PRKG1: variants seen among roughly 807,000 people sequenced by gnomAD.
PRKG1 encodes the protein cGMP-dependent protein kinase 1.
A neutral mutation model predicts 88.1 loss-of-function variants in PRKG1; 35 were observed. The observed-to-expected ratio is 0.40, with a 90% CI of 0.30 to 0.53. The LOEUF (loss-of-function observed/expected upper bound fraction) is 0.53. PRKG1 is among the 20% of genes least tolerant of loss of function. The pLI is 0.59. For synonymous variants in PRKG1, 303 were observed against 292.5 expected, an observed-to-expected ratio of 1.04 and a Z score of -0.37; for missense variants, 540 against 839.8, an observed-to-expected ratio of 0.64 and a Z score of 4.41.
intron 3 of PRKG1, among the ~76,000 whole-genome samples, chr10:51,506,754 G>A (rs568160023): frequency 6.6e-6 from 1 of 152,148 alleles, no homozygotes; most frequent in Non-Finnish European, 1.5e-5. Context: ...CGATTCCTCA[G>A]GATCTAGAAC....
At chr10:51,911,364 C>A (rs1385726443) in intron 5 of PRKG1, among the ~76,000 whole-genome samples, 4 of 149,012 alleles carry the variant, frequency 2.7e-5, no homozygotes, top group Admixed American at 6.7e-5. Context: ...TCATGAAATT[C>A]TTTAATCATT....
chr10:51,848,152 T>C (rs935648676), intron 4 of PRKG1, among the ~76,000 whole-genome samples: 2 of 152,150 alleles, frequency 1.3e-5, no homozygotes, highest in Middle Eastern at 3.2e-3. Flanking sequence ...ACATGCCTCC[T>C]GCTAGATTTC....
At chr10:51,687,648 A>C (rs1318790157) in intron 3 of PRKG1, among the ~76,000 whole-genome samples, 3 of 152,198 alleles carry the variant, frequency 2.0e-5, no homozygotes, top group African/African-American at 7.2e-5. Context: ...AGAACAATTT[A>C]GGTTTTATGA....
intron 3 of PRKG1, among the ~76,000 whole-genome samples, chr10:51,767,506 T>C (rs1838194801): frequency 6.6e-6 from 1 of 152,232 alleles, no homozygotes; most frequent in Admixed American, 6.5e-5. Context: ...TTCTCTACCT[T>C]ATGTACATAT....
intron 9 of PRKG1, among the ~76,000 whole-genome samples, chr10:52,229,380 A>G (rs888816804): frequency 3.9e-5 from 6 of 152,196 alleles, no homozygotes; most frequent in African/African-American, 1.4e-4. Flanking sequence ...GAAGAAACCA[A>G]TGATATCCTC....
At chr10:51,640,766 T>C (rs1839779001) in intron 3 of PRKG1, among the ~76,000 whole-genome samples, 1 of 152,314 alleles carries the variant, frequency 6.6e-6, no homozygotes, top group East Asian at 1.9e-4. Flanking sequence ...ATTCTCTATG[T>C]AGCTTTTAAA....
At chr10:51,488,927 C>G (rs1036664441) in intron 3 of PRKG1, among the ~76,000 whole-genome samples, 2 of 152,096 alleles carry the variant, frequency 1.3e-5, no homozygotes, top group Non-Finnish European at 2.9e-5. Flanking sequence ...AGACAACAAG[C>G]ACACAGGCCC....
intron 5 of PRKG1, among the ~76,000 whole-genome samples, chr10:52,022,480 A>C (rs1845211108): frequency 6.6e-6 from 1 of 152,208 alleles, no homozygotes; most frequent in Non-Finnish European, 1.5e-5. Context: ...ACATTCAACA[A>C]TTGTTATATG....
At chr10:52,162,155 A>G (rs141333375) in intron 9 of PRKG1, among the ~76,000 whole-genome samples, 192 bp downstream of exon 9, 18 of 152,262 alleles carry the variant, frequency 1.2e-4, no homozygotes, top group African/African-American at 4.3e-4. Context: ...CTCTTCAAAC[A>G]CAAAACTTCA....
At chr10:51,699,604 G>A in intron 3 of PRKG1, 1 of 1,541,794 alleles carries the variant, frequency 6.5e-7, no homozygotes, top group Non-Finnish European at 8.7e-7. Context: ...CTGTCCTCTT[G>A]CGACCGACAC....
chr10:51,128,560 G>T (rs982769478), intron 1 of PRKG1, among the ~76,000 whole-genome samples: 1 of 152,146 alleles, frequency 6.6e-6, no homozygotes, highest in African/African-American at 2.4e-5. Context: ...TGGCAGCAAC[G>T]TGACCTCTAG....
At chr10:51,796,583 G>T (rs887842605) in intron 3 of PRKG1, among the ~76,000 whole-genome samples, 1 of 152,030 alleles carries the variant, frequency 6.6e-6, no homozygotes, top group Non-Finnish European at 1.5e-5. Context: ...GCACAGAAGG[G>T]TCTGGAAAGG....
At chr10:51,113,278 C>T (rs112302257) in intron 1 of PRKG1, among the ~76,000 whole-genome samples, 107 of 152,312 alleles carry the variant, frequency 7.0e-4, no homozygotes, top group African/African-American at 2.3e-3. Context: ...GAAACAGGAG[C>T]TAGTTTTCAT....
chr10:51,439,251 C>T (rs1412960872), intron 2 of PRKG1, among the ~76,000 whole-genome samples: 2 of 151,712 alleles, frequency 1.3e-5, no homozygotes, highest in Non-Finnish European at 2.9e-5. Flanking sequence ...ATAGTAGGTA[C>T]AATTAGACTA....
At chr10:51,123,610 C>A (rs567967741) in intron 1 of PRKG1, among the ~76,000 whole-genome samples, 1 of 150,970 alleles carries the variant, frequency 6.6e-6, no homozygotes. Context: ...CACTTCCACC[C>A]GGGAGGTGGA....
At chr10:51,728,207 C>T (rs993490359) in intron 3 of PRKG1, among the ~76,000 whole-genome samples, 1 of 151,658 alleles carries the variant, frequency 6.6e-6, no homozygotes, top group Admixed American at 6.6e-5. Context: ...TTTTTTTTTA[C>T]CCCCAGACAA....
intron 9 of PRKG1, among the ~76,000 whole-genome samples, chr10:52,172,822 GAGT>G (rs146903954): frequency 0.015 from 2,317 of 152,236 alleles, 44 homozygotes; most frequent in African/African-American, 0.052. Context: ...TTTACATAGT[GAGT>G]AGTAGTAGTA....
intron 3 of PRKG1, among the ~76,000 whole-genome samples, chr10:51,742,102 A>G (rs1837449654): frequency 6.6e-6 from 1 of 152,220 alleles, no homozygotes; most frequent in South Asian, 2.1e-4. Context: ...TCCTTAGGGA[A>G]GAGACACATT....
At chr10:52,034,361 T>G (rs1589540715) in intron 5 of PRKG1, among the ~76,000 whole-genome samples, 1 of 118,374 alleles carries the variant, frequency 8.4e-6, no homozygotes, top group Non-Finnish European at 1.8e-5. Flanking sequence ...GAACCTAGAG[T>G]GGGAGAGATT....
Sources: gnomAD v4.1 joint callset for allele counts (sites outside exome capture counted in the v4.1 genomes callset) on GRCh38, gnomAD v4.1.1 for gene constraint, MANE v1.5 for transcripts, NCBI Gene and HGNC (gene_info 2026-07-23, HGNC 2026-07-21) for gene names.